WDR11: variants seen among roughly 807,000 people sequenced by gnomAD.
The protein encoded by WDR11 is WD repeat domain 11.
In WDR11, 83 loss-of-function variants were observed where a neutral mutation model predicts 151.2. The ratio of observed to expected loss-of-function variants is 0.55; its 90% CI spans 0.46 to 0.66. WDR11 has a LOEUF of 0.66. Among genes scored for constraint, WDR11 ranks in the 30% least tolerant of loss-of-function variants. The pLI, the probability that WDR11 is intolerant of heterozygous loss-of-function variation, is 0.00. For missense variants in WDR11, 1,301 were observed against 1,480.9 expected, an observed-to-expected ratio of 0.88 and a Z score of 1.99; for synonymous variants, 484 against 533.1, an observed-to-expected ratio of 0.91 and a Z score of 1.27.
In WDR11 at chr10:120,890,845, A is replaced by G. The variant is rs753050227; in HGVS notation, c.2473A>G (p.Met825Val). The G allele has an allele frequency of 1.1e-5, 18 of 1,614,050 alleles. No homozygotes were observed. Among genetic ancestry groups the G allele is most frequent in the South Asian group, 6.6e-5 (6 of 91,084 alleles). Residue 825 changes from methionine (M) to valine (V), a missense_variant, in exon 19 of 29, where the codon ATG becomes GTG. Met to Val is a conservative substitution (Grantham distance 21). This residue lies in a region of WDR11 where 589 missense variants were observed against 670.6 expected (regional missense o/e 0.88). Transcript: ENST00000263461. ...GTGCATCAGAGTCCTAGAGATGTCTATGAAGTCTGCGTGCTTTAGAATGGA... is the reference window on the plus strand; with the variant it reads ...GTGCATCAGAGTCCTAGAGATGTCTGTGAAGTCTGCGTGCTTTAGAATGGA... ...DGCIRVLEMS[M>V]KSACFRMDEQ...
intron 2 of WDR11, among the ~76,000 whole-genome samples, chr10:120,856,476 G>T (rs1794951413): frequency 6.6e-6 from 1 of 151,370 alleles, no homozygotes; most frequent in East Asian, 2.0e-4. Flanking sequence ...TTGGGAGGCT[G>T]AGGCAGGAGA....
intron 19 of WDR11, among the ~76,000 whole-genome samples, chr10:120,896,583 T>C (rs1847623356): frequency 6.6e-6 from 1 of 152,166 alleles, no homozygotes; most frequent in Admixed American, 6.6e-5. Flanking sequence ...TCCCATTCAC[T>C]GCACACCTTT....
chr10:120,866,937 C>T, intron 8 of WDR11, 129 bp from the exon 9 acceptor site: 2 of 1,051,200 alleles, frequency 1.9e-6, no homozygotes, highest in Non-Finnish European at 2.8e-6. Context: ...GCTATTTCAC[C>T]TATGGGTAAG....
At chr10:120,873,224 C>T (rs1203424835) in intron 10 of WDR11, among the ~76,000 whole-genome samples, 3 of 152,308 alleles carry the variant, frequency 2.0e-5, no homozygotes, top group Non-Finnish European at 4.4e-5. Context: ...TAATCTCCAA[C>T]AACTAGATTT....
chr10:120,893,495 A>T (rs2133797600), intron 19 of WDR11, among the ~76,000 whole-genome samples: 1 of 152,210 alleles, frequency 6.6e-6, no homozygotes, highest in Non-Finnish European at 1.5e-5. Context: ...GTGTCTTTAT[A>T]GTAGCATGAT....
chr10:120,852,096 G>A, intron 1 of WDR11: 2 of 231,300 alleles, frequency 8.6e-6, no homozygotes, highest in Non-Finnish European at 1.7e-5. Flanking sequence ...CTGTGGCTGT[G>A]GGATGTTGTT....
chr10:120,869,599 A>C (rs1846455218), intron 9 of WDR11, among the ~76,000 whole-genome samples: 1 of 152,166 alleles, frequency 6.6e-6, no homozygotes, highest in Non-Finnish European at 1.5e-5. Context: ...GTAAATAAAG[A>C]GGCTGATTTA....
Position 120,868,690 on chromosome 10 carries a change from C to T in WDR11, c.1294+1521C>T, listed in dbSNP as rs138003624. 1,127 of 152,242 alleles carry T rather than the reference C, an allele frequency of 7.4e-3. 15 individuals carry two copies. Among genetic ancestry groups the T allele is most frequent in the African/African-American group, 0.026 (1,074 of 41,528 alleles). The allele number at this position is 152,242 out of a possible 1,614,324, so 9.4% of individuals were successfully genotyped here. On this transcript the variant is annotated intron_variant, in intron 9 of 28. Coordinates refer to ENST00000263461, the MANE Select transcript of WDR11 (RefSeq NM_018117.12). ...ACAATGGAAGAGCCCAAGTGTGACC[C>T]GGGTAATCCTGGCTCCAGAGCCTGC... is the stretch of plus-strand genomic sequence containing the variant.
At chr10:120,881,599 T>C (rs1026299924) in intron 13 of WDR11, among the ~76,000 whole-genome samples, 2 of 152,060 alleles carry the variant, frequency 1.3e-5, no homozygotes, top group Non-Finnish European at 2.9e-5. Flanking sequence ...GTCTTACATA[T>C]TATTTGTTTA....
intron 19 of WDR11, among the ~76,000 whole-genome samples, chr10:120,897,226 A>C (rs189342276): frequency 2.6e-5 from 4 of 152,328 alleles, no homozygotes; most frequent in African/African-American, 9.6e-5. Context: ...GCAAGAAGCA[A>C]AAGCTCAGGT....
At chr10:120,859,576 A>G (rs1846066919) in intron 3 of WDR11, among the ~76,000 whole-genome samples, 1 of 152,088 alleles carries the variant, frequency 6.6e-6, no homozygotes, top group South Asian at 2.1e-4. Context: ...CCAGTACAGT[A>G]TTCTTTAGAC....
intron 19 of WDR11, among the ~76,000 whole-genome samples, chr10:120,899,310 A>G (rs984460480): frequency 1.3e-5 from 2 of 152,200 alleles, no homozygotes; most frequent in Non-Finnish European, 2.9e-5. Context: ...GACATACTCA[A>G]GGTTGATAGG....
rs1346844515 is a variant in WDR11 at position 120,871,197 on chromosome 10, A to G, written c.1322A>G (p.His441Arg). Residue 441 changes from histidine to arginine, a missense_variant, in exon 10 of 29, where the codon CAT becomes CGT. Physicochemically the swap from His to Arg is conservative, Grantham distance 29. This residue lies in a region of WDR11 where 692 missense variants were observed against 762.5 expected (regional missense o/e 0.91). Transcript: ENST00000263461. ...IGQSAIAGEE[H>R]PRGSILREVH... ...CAAAGTGCAATTGCTGGGGAAGAAC[A>G]TCCCAGAGGTTCAATTCTGCGGGAA... 1.7e-5 allele frequency: 27 copies of G among 1,614,206 alleles called. No individual in the cohort carries two copies. Among genetic ancestry groups the G allele is most frequent in the Non-Finnish European group, 2.3e-5 (27 of 1,180,038 alleles).
chr10:120,889,640 C>T, intron 17 of WDR11: 1 of 508,996 alleles, frequency 2.0e-6, no homozygotes. Context: ...GGTCCCTTCA[C>T]CTAAACTTGG....
chr10:120,887,202 C>T (rs138347275), intron 16 of WDR11, among the ~76,000 whole-genome samples: 91 of 152,224 alleles, frequency 6.0e-4, no homozygotes, highest in African/African-American at 2.2e-3. Context: ...GTCTTCTTTC[C>T]ATTTCAGGCA....
At chr10:120,851,650 T>G in intron 1 of WDR11, 144 bp downstream of exon 1, 1 of 973,396 alleles carries the variant, frequency 1.0e-6, no homozygotes, top group Non-Finnish European at 1.5e-6. Context: ...TGCTTTCAGT[T>G]GGTGGATTTT....
chr10:120,852,236 C>G, intron 1 of WDR11: 2 of 388,464 alleles, frequency 5.1e-6, no homozygotes, highest in South Asian at 4.7e-5. Flanking sequence ...AGACGTATGC[C>G]TACAAGAACA....
rs937995145 is a variant in WDR11 at position 120,896,205 on chromosome 10, C to A, written c.2516-3824C>A. On this transcript the variant is annotated intron_variant, in intron 19 of 28. Coordinates refer to ENST00000263461, the MANE Select transcript of WDR11 (RefSeq NM_018117.12). ...TGAAAAATGCAAGTGTAAAAGAGCA[C>A]GTATAGCCTGCTTGTGTACAAAGGC... 2.6e-5 allele frequency among the ~76,000 whole-genome samples: 4 copies of A among 152,058 alleles called. No homozygotes were observed. In the South Asian group the frequency reaches 8.3e-4, roughly 32 times the overall value.
intron 11 of WDR11, among the ~76,000 whole-genome samples, chr10:120,877,749 T>A (rs2133770105): frequency 6.6e-6 from 1 of 152,384 alleles, no homozygotes; most frequent in Admixed American, 6.5e-5. Context: ...GTTGTTTTTC[T>A]ACCTTTTATT....
Sources: gnomAD v4.1 joint callset for allele counts (sites outside exome capture counted in the v4.1 genomes callset) on GRCh38, gnomAD v4.1.1 for gene constraint, gnomAD v4.1.1 regional missense constraint, MANE v1.5 for transcripts, NCBI Gene and HGNC (gene_info 2026-07-23, HGNC 2026-07-21) for gene names.